Variants in IGSF21 observed in about 807,000 individuals in gnomAD.
The protein encoded by IGSF21 is immunoglobin superfamily member 21, also known as immunoglobulin superfamily member 21.
IGSF21 carries 28 observed loss-of-function variants against 46.8 expected under a neutral mutation model. That is an observed-to-expected ratio of 0.60 (90% CI 0.44 to 0.82). IGSF21 has a LOEUF of 0.82. IGSF21 is among the 40% of genes least tolerant of loss of function. The probability of loss-of-function intolerance (pLI) is 0.00; values close to 1 mark genes in which losing one functional copy is unlikely to be tolerated. For missense variants in IGSF21, 624 were observed against 665.5 expected (o/e 0.94, Z 0.69); for synonymous variants, 284 against 273.6 (o/e 1.04, Z -0.38).
chr1:18,345,441 G>GT (rs2085882910), intron 4 of IGSF21, among the ~76,000 whole-genome samples: 2 of 152,140 alleles, frequency 1.3e-5, no homozygotes, highest in Admixed American at 1.3e-4. Flanking sequence ...CTGGGGTGCA[G>GT]TGGTGCAGTC....
intron 1 of IGSF21, among the ~76,000 whole-genome samples, chr1:18,143,254 C>T (rs962104662): frequency 2.0e-5 from 3 of 152,132 alleles, no homozygotes; most frequent in African/African-American, 7.2e-5. Context: ...GCTCAGGATG[C>T]GGAGCTTCAG....
Position 18,322,504 on chromosome 1 carries a change from G to A in IGSF21, c.306-12388G>A, listed in dbSNP as rs775434747. On this transcript the variant is annotated intron_variant, in intron 3 of 9. Transcript: ENST00000251296. The surrounding 1 kb of genome is among the most constrained non-coding windows in gnomAD (Gnocchi z 4.3). ...TCACGAACGATAGGAAGGAGGCGGC[G>A]AGCTCAGCCACGGGCCCAGCCTTCC... 3.3e-5 allele frequency among the ~76,000 whole-genome samples: 5 copies of A among 152,210 alleles called. No individual in the cohort carries two copies. The highest frequency in any genetic ancestry group is 4.2e-4 in the South Asian group (2 of 4,812).
chr1:18,139,062 G>A (rs890465436), intron 1 of IGSF21, among the ~76,000 whole-genome samples: 2 of 152,150 alleles, frequency 1.3e-5, no homozygotes, highest in African/African-American at 4.8e-5. Context: ...TGGTGCAGGA[G>A]CGCTCTTCCC....
chr1:18,126,508 G>A lies in IGSF21; in HGVS notation c.70+18310G>A, dbSNP rs1319396503. 2.0e-5 allele frequency among the ~76,000 whole-genome samples: 3 copies of A among 152,252 alleles called. No homozygotes were observed. The East Asian group carries it at 5.8e-4, about 30-fold the overall frequency. ...ACTTCTGCCTCTTTCCAAGCTGGGAGGGAGGCCTGTGAGAAAGCCCACCTT... is the reference window on the plus strand; with the variant it reads ...ACTTCTGCCTCTTTCCAAGCTGGGAAGGAGGCCTGTGAGAAAGCCCACCTT... On this transcript the variant is annotated intron_variant, in intron 1 of 9. Transcript: ENST00000251296.
chr1:18,245,759 C>A (rs2084777667), intron 2 of IGSF21, among the ~76,000 whole-genome samples: 1 of 152,134 alleles, frequency 6.6e-6, no homozygotes, highest in Admixed American at 6.5e-5. Context: ...TGCTGCTTGG[C>A]AGGGTGGGTG....
At position 18,362,415 on chromosome 1, in the gene IGSF21, C is replaced by A. The variant is rs559053680; in HGVS notation, c.540+185C>A. Among the ~76,000 whole-genome samples the A allele has an allele frequency of 7.9e-5, 12 of 152,322 alleles. No homozygotes were observed. In the East Asian group the frequency reaches 2.1e-3, roughly 27 times the overall value. On this transcript the variant is annotated intron_variant, in intron 5 of 9. Coordinates refer to ENST00000251296, the MANE Select transcript of IGSF21 (RefSeq NM_032880.5). ...GACTGGTCCAGGCATCCATGTGCCCCTGTTGCTACCCATCTCCCCATGCTG... is the reference window on the plus strand; with the variant it reads ...GACTGGTCCAGGCATCCATGTGCCCATGTTGCTACCCATCTCCCCATGCTG...
rs1553165079 is a variant in IGSF21 at position 18,342,065 on chromosome 1, T to TG, written c.424+7055_424+7056insG. On this transcript the variant is annotated intron_variant, in intron 4 of 9. Coordinates refer to ENST00000251296, the MANE Select transcript of IGSF21 (RefSeq NM_032880.5). ...GGTGCATTTTCCTTGTTTTTTTTTT[T>TG]TTTGTTTGTTTGTTTGTTTGTTTGC... Among the ~76,000 whole-genome samples the TG allele has an allele frequency of 3.6e-4, 45 of 124,460 alleles. 2 individuals are homozygous for TG. Among genetic ancestry groups the TG allele is most frequent in the South Asian group, 2.8e-4 (1 of 3,624 alleles). 81.7% of individuals were successfully genotyped at this position (124,460 alleles called of 152,430 possible).
Position 18,315,189 on chromosome 1 carries a change from A to T in IGSF21, c.306-19703A>T, listed in dbSNP as rs144959409. 4.4e-3 allele frequency among the ~76,000 whole-genome samples: 671 copies of T among 152,154 alleles called. 4 individuals are homozygous for T. Among genetic ancestry groups the T allele is most frequent in the African/African-American group, 0.016 (644 of 41,516 alleles). On this transcript the variant is annotated intron_variant, in intron 3 of 9. Transcript: ENST00000251296. Reference sequence around the variant, plus strand: ...ATCTCTGCTCTCCAGGGCAGGTCTCATTTGGCCGCATGCAGATAATGCAAC... The same window carrying T: ...ATCTCTGCTCTCCAGGGCAGGTCTCTTTTGGCCGCATGCAGATAATGCAAC...
intron 1 of IGSF21, among the ~76,000 whole-genome samples, chr1:18,154,871 A>C (rs2086554330): frequency 6.8e-6 from 1 of 147,858 alleles, no homozygotes; most frequent in Non-Finnish European, 1.5e-5. Flanking sequence ...TTCCTTGGAG[A>C]CCCTTGCAAC....
chr1:18,211,125 G>A (rs1013527505), intron 1 of IGSF21, among the ~76,000 whole-genome samples: 2 of 152,136 alleles, frequency 1.3e-5, no homozygotes, highest in Non-Finnish European at 2.9e-5. Flanking sequence ...GCCCTCCTTG[G>A]CCTCCCAAAG....
chr1:18,300,010 A>G (rs535391201), intron 3 of IGSF21, among the ~76,000 whole-genome samples: 1 of 152,254 alleles, frequency 6.6e-6, no homozygotes, highest in East Asian at 1.9e-4. Context: ...GGATCACTTG[A>G]GCTCAGGAGT....
intron 3 of IGSF21, among the ~76,000 whole-genome samples, chr1:18,313,200 C>A (rs186349988): frequency 6.6e-6 from 1 of 152,166 alleles, no homozygotes; most frequent in Non-Finnish European, 1.5e-5. Context: ...GGAAGAAACT[C>A]GGGGAGGTCT....
At chr1:18,320,903 C>T (rs1394166180) in intron 3 of IGSF21, among the ~76,000 whole-genome samples, 1 of 152,196 alleles carries the variant, frequency 6.6e-6, no homozygotes, top group Non-Finnish European at 1.5e-5. Context: ...GTGTCCATCT[C>T]AGGCTTTGAG....
intron 9 of IGSF21, 70 bp downstream of exon 9, chr1:18,377,501 C>A: frequency 8.1e-7 from 1 of 1,239,774 alleles, no homozygotes; most frequent in South Asian, 1.2e-5. Flanking sequence ...AGCTCTGGTC[C>A]CCCAAACTTC....
chr1:18,172,449 A>G (rs1274393515), intron 1 of IGSF21, among the ~76,000 whole-genome samples: 3 of 152,162 alleles, frequency 2.0e-5, no homozygotes, highest in Admixed American at 2.0e-4. Flanking sequence ...ATTTCCTCAC[A>G]GTTCTGGAGG....
intron 4 of IGSF21, among the ~76,000 whole-genome samples, chr1:18,339,092 C>T (rs941968730): frequency 1.3e-5 from 2 of 152,222 alleles, no homozygotes; most frequent in African/African-American, 4.8e-5. Flanking sequence ...CCACCCTCCG[C>T]GTGCCAGCAT....
intron 1 of IGSF21, among the ~76,000 whole-genome samples, chr1:18,124,700 CTG>C (rs2086261035): frequency 6.6e-6 from 1 of 152,228 alleles, no homozygotes; most frequent in Non-Finnish European, 1.5e-5. Context: ...CTTGGCTCTG[CTG>C]TGTTGTCTCT....
intron 4 of IGSF21, among the ~76,000 whole-genome samples, chr1:18,351,491 T>C (rs1170744379): frequency 6.6e-6 from 1 of 152,112 alleles, no homozygotes; most frequent in Non-Finnish European, 1.5e-5. Context: ...GACAGAGGTT[T>C]TGCACGCTGG....
chr1:18,195,871 G>A (rs1444038422), intron 1 of IGSF21, among the ~76,000 whole-genome samples: 9 of 152,346 alleles, frequency 5.9e-5, no homozygotes, highest in African/African-American at 2.2e-4. Flanking sequence ...CAATAGTAGA[G>A]CCCAGAGAGA....
Sources: allele counts gnomAD v4.1 joint callset (sites outside exome capture counted in the v4.1 genomes callset), GRCh38; gene constraint gnomAD v4.1.1; non-coding constraint Gnocchi (gnomAD v3.1); transcripts MANE v1.5; gene names NCBI Gene and HGNC (gene_info 2026-07-23, HGNC 2026-07-21).